The following SH3BP4 variants were observed in gnomAD, a reference collection of about 807,000 sequenced individuals.
SH3BP4 encodes the protein SH3 domain binding protein 4, also known as SH3 domain-binding protein 4.
In SH3BP4, 33 loss-of-function variants were observed where a neutral mutation model predicts 65.5. The ratio of observed to expected loss-of-function variants is 0.50; its 90% CI spans 0.38 to 0.67. The LOEUF (loss-of-function observed/expected upper bound fraction) is 0.67, where lower values mean the gene tolerates loss of function less well. Among genes scored for constraint, SH3BP4 ranks in the 30% least tolerant of loss-of-function variants. SH3BP4 has a pLI of 0.00. For synonymous variants in SH3BP4, 552 were observed against 545.5 expected (o/e 1.01, Z -0.17); for missense variants, 1,134 against 1,261.4 (o/e 0.90, Z 1.53).
intron 3 of SH3BP4, among the ~76,000 whole-genome samples, chr2:235,036,127 G>A (rs1695370487): frequency 6.6e-6 from 1 of 152,210 alleles, no homozygotes; most frequent in Non-Finnish European, 1.5e-5. Context: ...CTGTGTTTAT[G>A]TCTGTCTAAT....
chr2:235,032,274 C>T (rs1276617495), intron 2 of SH3BP4, among the ~76,000 whole-genome samples: 1 of 152,222 alleles, frequency 6.6e-6, no homozygotes, highest in East Asian at 1.9e-4. Context: ...ATTTTTCCTC[C>T]TCCTCGGGTG....
rs534326939 is a variant in SH3BP4, at chr2:235,050,216, C to T, written c.2479-2346C>T. Among the ~76,000 whole-genome samples the T allele has an allele frequency of 2.0e-4, 30 of 152,152 alleles. 1 individual carries two copies. Among genetic ancestry groups the T allele is most frequent in the African/African-American group, 6.5e-4 (27 of 41,516 alleles). ...CTACAAGCTCCGCCTCCCGGGTTCA[C>T]GCCATTCTCCTGCCTCAGCCTCCTG... On this transcript the variant is annotated intron_variant, in intron 4 of 5. Coordinates refer to ENST00000392011, the MANE Select transcript of SH3BP4 (RefSeq NM_014521.3).
chr2:235,007,522 G>A (rs1039059947), intron 2 of SH3BP4, among the ~76,000 whole-genome samples: 4 of 152,154 alleles, frequency 2.6e-5, no homozygotes, highest in African/African-American at 9.7e-5. Context: ...GCAGTGCCCA[G>A]GACAGCCCAC....
rs1046320302 is a variant in SH3BP4 at position 235,033,450 on chromosome 2, A to G, written c.-132-1421A>G. On this transcript the variant is annotated intron_variant, in intron 2 of 5. Transcript: ENST00000392011. The surrounding 1 kb of genome is among the most constrained non-coding windows in gnomAD (Gnocchi z 5.7). Reference sequence around the variant, plus strand: ...TCACATTAGGGGACAGACCTTCAACATAGGAGTTTCGGGAAACACAGTTCA... The same window carrying G: ...TCACATTAGGGGACAGACCTTCAACGTAGGAGTTTCGGGAAACACAGTTCA... 6.6e-6 allele frequency among the ~76,000 whole-genome samples: 1 copy of G among 152,178 alleles called. No homozygotes were observed. The highest frequency in any genetic ancestry group is 1.5e-5 in the Non-Finnish European group (1 of 68,024).
At chr2:235,014,224 C>G (rs918614643) in intron 2 of SH3BP4, among the ~76,000 whole-genome samples, 19 of 152,116 alleles carry the variant, frequency 1.2e-4, no homozygotes, top group African/African-American at 4.3e-4. Context: ...GAATGTTTGG[C>G]GAGCAGGATC....
At position 235,021,197 on chromosome 2, in the gene SH3BP4, A is replaced by G. The variant is rs6431328; in HGVS notation, c.-132-13674A>G. On this transcript the variant is annotated intron_variant, in intron 2 of 5. Transcript: ENST00000392011. ...ATGGGGACCCAACCACATTTGTGGA[A>G]GAAAAGATGGAATAGTATAAAGATG... Among the ~76,000 whole-genome samples, 650 of 152,356 alleles carry G rather than the reference A, an allele frequency of 4.3e-3. 4 individuals are homozygous for G. The highest frequency in any genetic ancestry group is 0.015 in the African/African-American group (629 of 41,586).
chr2:235,006,461 C>T (rs1442516741), intron 2 of SH3BP4, among the ~76,000 whole-genome samples: 1 of 152,068 alleles, frequency 6.6e-6, no homozygotes, highest in Non-Finnish European at 1.5e-5. Flanking sequence ...TAAAAGCACT[C>T]CCGGAAAGAA....
intron 1 of SH3BP4, among the ~76,000 whole-genome samples, chr2:234,980,206 C>A (rs1051076094): frequency 6.6e-6 from 1 of 152,164 alleles, no homozygotes; most frequent in Admixed American, 6.5e-5. Context: ...CCAGAAGGTG[C>A]CTGAAACTTC....
Position 235,042,809 on chromosome 2 carries a change from C to T in SH3BP4, c.2040C>T (p.Gly680=), listed in dbSNP as rs139106030. The T allele has an allele frequency of 6.4e-5, 103 of 1,614,024 alleles. 1 individual carries two copies. In the South Asian group the frequency reaches 6.9e-4, roughly 11 times the overall value. The change falls in exon 4 of 6, where the codon GGC becomes GGT. Residue 680 remains glycine, a synonymous_variant. Coordinates refer to ENST00000392011, the MANE Select transcript of SH3BP4 (RefSeq NM_014521.3). The surrounding 1 kb of genome is among the most constrained non-coding windows in gnomAD (Gnocchi z 7.3). ...ACTACCTGCTGGAGTACAAGAAGGG[C>T]GACGGGATCGCCCTGCTCAGCGAGG... ...KNHYLLEYKK[G]DGIALLSEER... is the part of the protein sequence containing the mutation.
At position 235,042,840 on chromosome 2, in the gene SH3BP4, G is replaced by C. The variant is rs1225693096; in HGVS notation, c.2071G>C (p.Val691Leu). 1.2e-6 allele frequency: 2 copies of C among 1,613,822 alleles called. No individual in the cohort carries two copies. The highest frequency in any genetic ancestry group is 1.7e-6 in the Non-Finnish European group (2 of 1,180,040). ...GATCGCCCTGCTCAGCGAGGAGCGG[G>C]TCAGGCTCCGGGGCCAGCTGTGGAC... ...DGIALLSEER[V>L]RLRGQLWTKE... The change falls in exon 4 of 6, where the codon GTC becomes CTC. Residue 691 changes from valine (V) to leucine (L), a missense_variant. Coordinates refer to ENST00000392011, the MANE Select transcript of SH3BP4 (RefSeq NM_014521.3). The surrounding 1 kb of genome is among the most constrained non-coding windows in gnomAD (Gnocchi z 7.3).
intron 3 of SH3BP4, among the ~76,000 whole-genome samples, chr2:235,038,376 CATAT>C (rs1177080438): frequency 0.028 from 339 of 12,126 alleles, 9 homozygotes; most frequent in Middle Eastern, 0.12. Flanking sequence ...AATATATATA[CATAT>C]ATATATATAT....
chr2:235,043,285 T>C (rs1695740574), intron 4 of SH3BP4, 38 bp downstream of exon 4: 1 of 1,502,662 alleles, frequency 6.7e-7, no homozygotes, highest in Non-Finnish European at 9.0e-7. Context: ...TCAGGGGTGC[T>C]GCTCAGCAAA....
chr2:235,017,032 T>A (rs1266497530), intron 2 of SH3BP4, among the ~76,000 whole-genome samples: 1 of 150,464 alleles, frequency 6.6e-6, no homozygotes, highest in Non-Finnish European at 1.5e-5. Flanking sequence ...GCAGCGAGTT[T>A]CTGTTTGCCT....
chr2:235,054,162 C>G lies in SH3BP4; in HGVS notation c.*346C>G, dbSNP rs4589703. 14,094 of 235,106 alleles carry G rather than the reference C, an allele frequency of 0.06. 479 individuals are homozygous for G. The highest frequency in any genetic ancestry group is 0.067 in the African/African-American group (3,037 of 45,178). 14.6% of individuals were successfully genotyped at this position (235,106 alleles called of 1,614,324 possible). The stretch of plus-strand genomic sequence containing the variant: ...GTTTAAAAGAAAATAGGGGCACAGG[C>G]TGTTGAGGTTTTTATGTTGTTATAG... On this transcript the variant is annotated 3_prime_UTR_variant, in exon 6 of 6. Transcript: ENST00000392011.
intron 2 of SH3BP4, among the ~76,000 whole-genome samples, chr2:234,998,983 G>C (rs915861595): frequency 3.3e-5 from 5 of 152,218 alleles, no homozygotes; most frequent in African/African-American, 1.2e-4. Context: ...AAGGGCACTT[G>C]AGGCCATGCA....
At chr2:235,005,751 G>T (rs999131580) in intron 2 of SH3BP4, among the ~76,000 whole-genome samples, 1 of 152,202 alleles carries the variant, frequency 6.6e-6, no homozygotes, top group East Asian at 1.9e-4. Flanking sequence ...GGCTTTGCAG[G>T]TTTCACACAC....
At chr2:234,969,992 C>CA (rs1692943206) in intron 1 of SH3BP4, among the ~76,000 whole-genome samples, 1 of 151,708 alleles carries the variant, frequency 6.6e-6, no homozygotes, top group Admixed American at 6.6e-5. Flanking sequence ...CTCCCACATA[C>CA]ACACACTCGC....
At chr2:234,965,786 C>A (rs1478451805) in intron 1 of SH3BP4, among the ~76,000 whole-genome samples, 6 of 152,188 alleles carry the variant, frequency 3.9e-5, no homozygotes, top group African/African-American at 1.4e-4. Flanking sequence ...GAGTAACATT[C>A]GGGACAAAAT....
At chr2:235,040,841 C>G (rs746967408) in intron 3 of SH3BP4, 47 bp from the exon 4 acceptor site, 5 of 1,547,438 alleles carry the variant, frequency 3.2e-6, no homozygotes, top group Non-Finnish European at 4.4e-6. Flanking sequence ...CTCCGGACAC[C>G]CCGCCGGCCT....
Sources: allele counts gnomAD v4.1 joint callset (sites outside exome capture counted in the v4.1 genomes callset), GRCh38; gene constraint gnomAD v4.1.1; non-coding constraint Gnocchi (gnomAD v3.1); transcripts MANE v1.5; gene names NCBI Gene and HGNC (gene_info 2026-07-23, HGNC 2026-07-21).